Variants in CUBN observed in about 807,000 individuals in gnomAD.
CUBN encodes 460 kDa receptor.
A neutral mutation model predicts 405.3 loss-of-function variants in CUBN; 282 were observed. The ratio of observed to expected loss-of-function variants is 0.70; its 90% CI spans 0.63 to 0.77. The LOEUF (loss-of-function observed/expected upper bound fraction) is 0.77, where lower values mean the gene tolerates loss of function less well. CUBN is among the 30% of genes least tolerant of loss of function. The pLI is 0.00. For missense variants in CUBN, 4,514 were observed against 4,475.2 expected (o/e 1.01, Z -0.25); for synonymous variants, 1,684 against 1,617.0 (o/e 1.04, Z -0.99).
chr10:17,006,100 C>CA (rs1371646020), intron 28 of CUBN, among the ~76,000 whole-genome samples: 1 of 152,214 alleles, frequency 6.6e-6, no homozygotes, highest in African/African-American at 2.4e-5. Flanking sequence ...CTCCAGGAGA[C>CA]AGCACACTTC....
intron 10 of CUBN, 50 bp from the exon 11 acceptor site, chr10:17,105,625 C>T (rs1432047626): frequency 4.0e-6 from 4 of 995,470 alleles, no homozygotes; most frequent in Non-Finnish European, 6.4e-6. Context: ...CTCCTCTGTT[C>T]GGATGCAGTA....
chr10:17,109,864 G>A (rs976590563), intron 9 of CUBN, 129 bp from the exon 10 acceptor site: 1 of 689,480 alleles, frequency 1.5e-6, no homozygotes. Flanking sequence ...AAAAATATAA[G>A]TATAAAATGT....
At chr10:17,014,074 G>T (rs187792743) in intron 28 of CUBN, among the ~76,000 whole-genome samples, 26 of 152,294 alleles carry the variant, frequency 1.7e-4, no homozygotes, top group African/African-American at 6.3e-4. Context: ...GTAGGCGGTT[G>T]TCTGATAGCC....
intron 56 of CUBN, among the ~76,000 whole-genome samples, chr10:16,885,293 C>G (rs894838207): frequency 3.9e-5 from 6 of 152,128 alleles, no homozygotes; most frequent in African/African-American, 1.2e-4. Context: ...CACTTAAACA[C>G]TGGAAATGTC....
intron 17 of CUBN, 77 bp from the exon 18 acceptor site, chr10:17,072,048 G>GA: frequency 2.6e-6 from 3 of 1,141,454 alleles, no homozygotes; most frequent in Middle Eastern, 2.8e-4. Flanking sequence ...ACTTGGAGAT[G>GA]AAAAAATGGC....
intron 62 of CUBN, among the ~76,000 whole-genome samples, chr10:16,838,592 A>T (rs1217527913): frequency 6.6e-6 from 1 of 152,210 alleles, no homozygotes; most frequent in African/African-American, 2.4e-5. Context: ...TCTCCTCAAC[A>T]TCTTATTCCA....
intron 18 of CUBN, 53 bp downstream of exon 18, chr10:17,071,774 T>A: frequency 6.3e-7 from 1 of 1,578,378 alleles, no homozygotes; most frequent in Non-Finnish European, 8.7e-7. Flanking sequence ...TTTGAAGAAT[T>A]AAAATATTAC....
Position 16,940,073 on chromosome 10 carries a change from C to T in CUBN, c.5507G>A (p.Gly1836Asp), listed in dbSNP as rs1842611283. 1 of 1,613,950 alleles carries T rather than the reference C, an allele frequency of 6.2e-7. No homozygotes were observed. Among genetic ancestry groups the T allele is most frequent in the South Asian group, 1.1e-5 (1 of 91,076 alleles). ...CTGGAAGCCCGTGCCGCTGCCAGAA[C>T]CATCTGAGATAAATCTGACCCACAG... ...HTLWVRFISD[G>D]SGSGTGFQAT... Residue 1836 changes from glycine (G) to aspartate (D), a missense_variant, in exon 37 of 67, where the codon GGT (glycine) becomes GAT (aspartate). Physicochemically the swap from Gly to Asp is moderately conservative, Grantham distance 94. Coordinates refer to ENST00000377833, the MANE Select transcript of CUBN (RefSeq NM_001081.4).
At chr10:17,049,111 A>G (rs1241741773) in intron 22 of CUBN, among the ~76,000 whole-genome samples, 1 of 152,226 alleles carries the variant, frequency 6.6e-6, no homozygotes, top group Non-Finnish European at 1.5e-5. Context: ...AAAGGAAGGT[A>G]GAGAGGAAGG....
At chr10:17,020,751 C>G (rs961686695) in intron 27 of CUBN, among the ~76,000 whole-genome samples, 1 of 152,012 alleles carries the variant, frequency 6.6e-6, no homozygotes, top group Admixed American at 6.6e-5. Flanking sequence ...TTGTGTAAAC[C>G]TTGGTGTAAA....
chr10:16,921,725 T>G (rs2131471030), intron 43 of CUBN, among the ~76,000 whole-genome samples: 1 of 152,332 alleles, frequency 6.6e-6, no homozygotes, highest in Middle Eastern at 3.4e-3. Context: ...TCAGGAATCC[T>G]CCTGTAGGCC....
chr10:17,011,368 G>A (rs1834174886), intron 28 of CUBN, among the ~76,000 whole-genome samples: 2 of 152,114 alleles, frequency 1.3e-5, no homozygotes, highest in Admixed American at 6.5e-5. Context: ...CTGACTTTAG[G>A]AGTGAAGCTG....
At position 16,984,292 on chromosome 10, in the gene CUBN, G is replaced by A. The variant is rs1312394470; in HGVS notation, c.4351-13C>T. ...GGCCTCCATAGATCTAACATGGGAT[G>A]TAGGAAAAAAGACTTTAAAAAATAT... On this transcript the variant is annotated splice_polypyrimidine_tract_variant and intron_variant, in intron 29 of 66. Transcript: ENST00000377833. 6.2e-6 allele frequency: 10 copies of A among 1,613,052 alleles called. No individual in the cohort carries two copies. Among genetic ancestry groups the A allele is most frequent in the Admixed American group, 1.7e-5 (1 of 60,022 alleles).
Position 17,085,667 on chromosome 10 carries a change from G to A in CUBN, c.2040C>T (p.Ala680=). 1 of 1,614,112 alleles carries A rather than the reference G, an allele frequency of 6.2e-7. No individual in the cohort carries two copies. The highest frequency in any genetic ancestry group is 8.5e-7 in the Non-Finnish European group (1 of 1,179,992). Reference sequence around the variant, plus strand: ...GGGAGTCTGAATGGAAGTGAATTCTGGCAAAGGGGCCAGTAGTCTGGAGCG... The same window carrying A: ...GGGAGTCTGAATGGAAGTGAATTCTAGCAAAGGGGCCAGTAGTCTGGAGCG... ...VPPLQTTGPF[A]RIHFHSDSQI... is the part of the protein sequence containing the mutation. Residue 680 remains alanine, a synonymous_variant, in exon 16 of 67, where the codon GCC becomes GCT. Coordinates refer to ENST00000377833, the MANE Select transcript of CUBN (RefSeq NM_001081.4).
intron 14 of CUBN, among the ~76,000 whole-genome samples, chr10:17,093,029 AG>A (rs1836298739): frequency 6.6e-6 from 1 of 152,216 alleles, no homozygotes; most frequent in South Asian, 2.1e-4. Flanking sequence ...TGAAAAGAGA[AG>A]CATATAAAGT....
chr10:16,876,856 A>G (rs1478576005), intron 57 of CUBN, 41 bp downstream of exon 57: 1 of 1,563,746 alleles, frequency 6.4e-7, no homozygotes, highest in South Asian at 1.1e-5. Flanking sequence ...CATTACTCAG[A>G]AAAGAAGAAA....
intron 10 of CUBN, among the ~76,000 whole-genome samples, chr10:17,105,994 C>T (rs964106838): frequency 2.6e-5 from 4 of 152,016 alleles, no homozygotes; most frequent in Non-Finnish European, 5.9e-5. Flanking sequence ...TCCCAAGAGC[C>T]CAATAGAGGG....
intron 15 of CUBN, among the ~76,000 whole-genome samples, chr10:17,087,472 C>CTTTTTTTTTTTTTTTTTTTTTTTTTTT (rs775573918): frequency 7.0e-5 from 5 of 71,712 alleles, no homozygotes; most frequent in Admixed American, 2.3e-4. Flanking sequence ...TTTTCTTTTT[C>CTTTTTTTTTTTTTTTTTTTTTTTTTTT]TTTTTTTTTT....
At chr10:16,863,655 C>T (rs1840081003) in intron 59 of CUBN, among the ~76,000 whole-genome samples, 1 of 152,146 alleles carries the variant, frequency 6.6e-6, no homozygotes, top group Non-Finnish European at 1.5e-5. Context: ...AACACCAAAA[C>T]TGGGAAACTT....
Sources: gnomAD v4.1 joint callset for allele counts (sites outside exome capture counted in the v4.1 genomes callset) on GRCh38, gnomAD v4.1.1 for gene constraint, MANE v1.5 for transcripts, NCBI Gene and HGNC (gene_info 2026-07-23, HGNC 2026-07-21) for gene names.